The following GPHN variants were observed in gnomAD, a reference collection of about 807,000 sequenced individuals.
GPHN encodes the protein gephyrin.
In GPHN, 17 loss-of-function variants were observed where a neutral mutation model predicts 95.5. The ratio of observed to expected loss-of-function variants is 0.18; its 90% CI spans 0.12 to 0.27. The LOEUF is 0.27. GPHN is among the 10% of genes least tolerant of loss of function. The pLI, the probability that GPHN is intolerant of heterozygous loss-of-function variation, is 1.00. For synonymous variants in GPHN, 320 were observed against 322.5 expected (o/e 0.99, Z 0.08); for missense variants, 660 against 978.1 (o/e 0.67, Z 4.34).
intron 2 of GPHN, among the ~76,000 whole-genome samples, chr14:66,704,790 A>G (rs2068902063): frequency 6.6e-6 from 1 of 152,216 alleles, no homozygotes; most frequent in African/African-American, 2.4e-5. Context: ...GAAAGCTAGT[A>G]GAAGACAAGA....
intron 9 of GPHN, among the ~76,000 whole-genome samples, chr14:67,009,734 G>C (rs2072854020): frequency 6.6e-6 from 1 of 151,954 alleles, no homozygotes; most frequent in East Asian, 1.9e-4. Context: ...TGATCAAATG[G>C]CATTTTCAAT....
chr14:67,313,917 T>TACGTTAA, the GPHN span, among the ~76,000 whole-genome samples: 18 of 151,550 alleles, frequency 1.2e-4, no homozygotes, highest in African/African-American at 3.9e-4. Context: ...CCAGATAATA[T>TACGTTAA]ATGTTAAATT....
chr14:66,778,428 A>T (rs2059469781), intron 3 of GPHN, among the ~76,000 whole-genome samples: 1 of 152,186 alleles, frequency 6.6e-6, no homozygotes, highest in Non-Finnish European at 1.5e-5. Flanking sequence ...ACTCTTTAAA[A>T]ATTAGAGCAT....
the GPHN span, among the ~76,000 whole-genome samples, chr14:67,197,859 G>A: frequency 6.6e-6 from 1 of 151,844 alleles, no homozygotes; most frequent in Non-Finnish European, 1.5e-5. Context: ...TTTACTATAT[G>A]TATCTGTTTT....
rs112705621 is a variant in GPHN at position 66,782,547 on chromosome 14, C to T, written c.201+6026C>T. ...ACATAGAAAGATTCTGGGCCAGGTG[C>T]GGTGGCTCATGCTTGTAATCCCAGC... On this transcript the variant is annotated intron_variant, in intron 3 of 22. Transcript: ENST00000478722. 5.3e-4 allele frequency among the ~76,000 whole-genome samples: 80 copies of T among 152,232 alleles called. 2 individuals are homozygous for T. The highest frequency in any genetic ancestry group is 1.7e-3 in the African/African-American group (71 of 41,558).
chr14:66,687,427 A>C (rs1384391085), intron 2 of GPHN, among the ~76,000 whole-genome samples: 1 of 150,864 alleles, frequency 6.6e-6, no homozygotes, highest in Non-Finnish European at 1.5e-5. Context: ...GAATCTATAG[A>C]TCACTGTTGG....
the GPHN span, among the ~76,000 whole-genome samples, chr14:67,369,301 A>G: frequency 2.0e-5 from 3 of 152,252 alleles, no homozygotes; most frequent in Non-Finnish European, 4.4e-5. Flanking sequence ...ATAAAGGGTC[A>G]ATTTGTTAGA....
the GPHN span, among the ~76,000 whole-genome samples, chr14:67,493,475 T>C: frequency 6.6e-6 from 1 of 152,236 alleles, no homozygotes; most frequent in South Asian, 2.1e-4. Context: ...TTGTTCAGTG[T>C]GCTCTCGTGA....
At position 66,888,959 on chromosome 14, in the gene GPHN, C is replaced by A. The variant is rs114025933; in HGVS notation, c.389+8926C>A. ...TAATAATATCAAATAAATTTTAAAT[C>A]AAAAATGTTTAAATATCTTAAATCC... On this transcript the variant is annotated intron_variant, in intron 5 of 22. Transcript: ENST00000478722. Among the ~76,000 whole-genome samples, 603 of 152,136 alleles carry A rather than the reference C, an allele frequency of 4.0e-3. 6 individuals carry two copies. Among genetic ancestry groups the A allele is most frequent in the African/African-American group, 0.014 (562 of 41,542 alleles).
At chr14:67,318,950 C>T in the GPHN span, among the ~76,000 whole-genome samples, 3 of 151,536 alleles carry the variant, frequency 2.0e-5, no homozygotes, top group Non-Finnish European at 2.9e-5. Context: ...CCCAGCTATT[C>T]GGGAGGCTGA....
At chr14:66,595,140 C>T (rs1426056156) in intron 1 of GPHN, among the ~76,000 whole-genome samples, 2 of 151,918 alleles carry the variant, frequency 1.3e-5, no homozygotes, top group East Asian at 1.9e-4. Flanking sequence ...TAAAAAAGAC[C>T]GAAGGTAAGT....
chr14:67,214,113 G>C, the GPHN span, among the ~76,000 whole-genome samples: 2 of 152,154 alleles, frequency 1.3e-5, no homozygotes, highest in Non-Finnish European at 2.9e-5. Context: ...CATTTTATAG[G>C]TTGGCTGTTC....
chr14:67,217,947 T>G, the GPHN span, among the ~76,000 whole-genome samples: 1 of 152,122 alleles, frequency 6.6e-6, no homozygotes, highest in African/African-American at 2.4e-5. Flanking sequence ...AAAGACTTAT[T>G]TATATGAATG....
At chr14:67,706,922 C>T in the GPHN span, among the ~76,000 whole-genome samples, 1 of 152,194 alleles carries the variant, frequency 6.6e-6, no homozygotes, top group African/African-American at 2.4e-5. Context: ...TGTGAAGTCT[C>T]ATGTCCTATG....
At chr14:67,714,260 T>G in the GPHN span, among the ~76,000 whole-genome samples, 1 of 152,092 alleles carries the variant, frequency 6.6e-6, no homozygotes. Context: ...CTCAGCCTCT[T>G]GAGTAGCAGG....
chr14:67,635,395 G>A, the GPHN span, among the ~76,000 whole-genome samples: 14 of 152,174 alleles, frequency 9.2e-5, no homozygotes, highest in Admixed American at 2.6e-4. Flanking sequence ...ACATTTTATG[G>A]ATAAGAGAAA....
At chr14:67,182,436 A>G (rs1056022993), downstream of GPHN, among the ~76,000 whole-genome samples, 2 of 152,232 alleles carry the variant, frequency 1.3e-5, no homozygotes, top group Admixed American at 1.3e-4. Context: ...ATGTCAAGGG[A>G]TGGTAAATAA....
chr14:66,593,463 T>G (rs778438524), intron 1 of GPHN, among the ~76,000 whole-genome samples: 2 of 151,964 alleles, frequency 1.3e-5, no homozygotes, highest in African/African-American at 4.8e-5. Context: ...CAAGAGAGCA[T>G]GTAATGGAAG....
chr14:67,569,863 C>T, the GPHN span: 1 of 1,121,032 alleles, frequency 8.9e-7, no homozygotes. Context: ...TCTGCTTCCC[C>T]CACACCCCTT....
Sources: gnomAD v4.1 joint callset for allele counts (sites outside exome capture counted in the v4.1 genomes callset) on GRCh38, gnomAD v4.1.1 for gene constraint, MANE v1.5 for transcripts, NCBI Gene and HGNC (gene_info 2026-07-23, HGNC 2026-07-21) for gene names.